HOMER1: variants seen among roughly 807,000 people sequenced by gnomAD.
HOMER1 encodes homer scaffold protein 1, also known as homer protein homolog 1.
In HOMER1, 3 loss-of-function variants were observed where a neutral mutation model predicts 48.9. The observed-to-expected ratio is 0.06, with a 90% confidence interval of 0.03 to 0.16. The LOEUF (loss-of-function observed/expected upper bound fraction) is 0.16, where lower values mean the gene tolerates loss of function less well. Ranked by LOEUF, HOMER1 falls within the 10% of genes least tolerant of loss-of-function variation. HOMER1 has a pLI of 1.00. For synonymous variants in HOMER1, 134 were observed against 146.4 expected (o/e 0.92, Z 0.61); for missense variants, 247 against 411.4 (o/e 0.60, Z 3.46).
intron 1 of HOMER1, among the ~76,000 whole-genome samples, chr5:79,502,394 T>C (rs889340756): frequency 2.0e-5 from 3 of 152,104 alleles, no homozygotes; most frequent in African/African-American, 7.2e-5. Context: ...AGTTCTCTTT[T>C]TAATACCCTC....
chr5:79,449,477 T>C (rs1011456849), intron 3 of HOMER1, among the ~76,000 whole-genome samples: 3 of 152,150 alleles, frequency 2.0e-5, no homozygotes, highest in Admixed American at 6.5e-5. Context: ...ATTTGTTTGT[T>C]GTTGTTGTTT....
At chr5:79,487,637 T>G (rs113744537) in intron 1 of HOMER1, among the ~76,000 whole-genome samples, 2 of 152,152 alleles carry the variant, frequency 1.3e-5, no homozygotes, top group East Asian at 3.9e-4. Context: ...GAGGCTGTTA[T>G]AGACTGAAAG....
chr5:79,483,340 A>T (rs1561381704), intron 1 of HOMER1, among the ~76,000 whole-genome samples: 1 of 152,202 alleles, frequency 6.6e-6, no homozygotes, highest in South Asian at 2.1e-4. Context: ...AGCAAAAAAC[A>T]TCTTTCATCT....
At chr5:79,445,679 G>A (rs973236360) in intron 4 of HOMER1, among the ~76,000 whole-genome samples, 7 of 152,146 alleles carry the variant, frequency 4.6e-5, no homozygotes, top group Admixed American at 4.6e-4. Flanking sequence ...CAGCATTTTG[G>A]GAGGCCAAGG....
In HOMER1 at chr5:79,375,838, TAA is replaced by T; in HGVS notation, c.*169_*170del. On this transcript the variant is annotated 3_prime_UTR_variant, in exon 9 of 9. Coordinates refer to ENST00000334082, the MANE Select transcript of HOMER1 (RefSeq NM_004272.5). ...CCCCAACTAGCTACAAGCTGGATTCTAAAATTTACAGTGAAATATACAATTCC... is the reference window on the plus strand; with the variant it reads ...CCCCAACTAGCTACAAGCTGGATTCTAATTTACAGTGAAATATACAATTCC... 1 of 418,126 alleles carries T rather than the reference TAA, an allele frequency of 2.4e-6. No homozygotes were observed. The highest frequency in any genetic ancestry group is 4.1e-6 in the Non-Finnish European group (1 of 241,338). The allele number at this position is 418,126 out of a possible 1,614,324, so 25.9% of individuals were successfully genotyped here. A position where few individuals can be genotyped will look rare whatever the true frequency, so the allele number is the denominator to read the frequency against.
intron 1 of HOMER1, among the ~76,000 whole-genome samples, chr5:79,478,947 G>A (rs761557888): frequency 1.5e-4 from 22 of 149,364 alleles, no homozygotes; most frequent in East Asian, 2.1e-4. Context: ...GCGAGACTCC[G>A]TCAAAAAAAG....
At chr5:79,416,109 G>T (rs1274700285) in intron 5 of HOMER1, among the ~76,000 whole-genome samples, 1 of 152,100 alleles carries the variant, frequency 6.6e-6, no homozygotes, top group Non-Finnish European at 1.5e-5. Flanking sequence ...AAGCCGAAAA[G>T]ATTTAACATT....
At chr5:79,432,329 ATAAT>A (rs1212808801) in intron 5 of HOMER1, among the ~76,000 whole-genome samples, 1 of 152,252 alleles carries the variant, frequency 6.6e-6, no homozygotes, top group East Asian at 1.9e-4. Flanking sequence ...GAAAGAGATC[ATAAT>A]TAATCTAGGA....
intron 1 of HOMER1, among the ~76,000 whole-genome samples, chr5:79,503,794 A>C (rs2112378508): frequency 6.6e-6 from 1 of 152,202 alleles, no homozygotes; most frequent in East Asian, 1.9e-4. Context: ...ATTAAGTGGA[A>C]GTCGATCATC....
chr5:79,491,915 C>T (rs980143063), intron 1 of HOMER1, among the ~76,000 whole-genome samples: 4 of 152,030 alleles, frequency 2.6e-5, no homozygotes, highest in Non-Finnish European at 5.9e-5. Flanking sequence ...AGTAACTTGC[C>T]CAAGATTATG....
At chr5:79,504,681 C>T (rs913071513) in intron 1 of HOMER1, among the ~76,000 whole-genome samples, 1 of 152,004 alleles carries the variant, frequency 6.6e-6, no homozygotes, top group Non-Finnish European at 1.5e-5. Flanking sequence ...CAGAACAACT[C>T]TTATAAATAC....
At chr5:79,499,547 A>G (rs971043821) in intron 1 of HOMER1, among the ~76,000 whole-genome samples, 8 of 152,016 alleles carry the variant, frequency 5.3e-5, no homozygotes, top group Non-Finnish European at 1.0e-4. Context: ...ATACCTTAGA[A>G]GTATTGAAAA....
chr5:79,415,037 TA>T (rs1185216857), intron 5 of HOMER1, among the ~76,000 whole-genome samples: 1 of 152,092 alleles, frequency 6.6e-6, no homozygotes, highest in Non-Finnish European at 1.5e-5. Context: ...ATCCCAGAAA[TA>T]AAAGTAGAAT....
intron 5 of HOMER1, among the ~76,000 whole-genome samples, chr5:79,402,704 A>G (rs919027694): frequency 7.2e-5 from 11 of 152,190 alleles, no homozygotes; most frequent in Admixed American, 6.5e-4. Flanking sequence ...TATTAAAAAA[A>G]CCTAACAATG....
intron 5 of HOMER1, among the ~76,000 whole-genome samples, chr5:79,421,022 C>G (rs1750083449): frequency 6.6e-6 from 1 of 152,160 alleles, no homozygotes; most frequent in Admixed American, 6.5e-5. Flanking sequence ...AACATGCCTA[C>G]AAAATACTCC....
At chr5:79,396,965 T>C (rs1216725870) in intron 7 of HOMER1, 62 bp from the exon 8 acceptor site, 2 of 881,352 alleles carry the variant, frequency 2.3e-6, no homozygotes, top group East Asian at 2.6e-5. Flanking sequence ...AAGGTCTTGT[T>C]TTTCCCTGAA....
At chr5:79,388,977 C>T (rs571306895) in intron 8 of HOMER1, among the ~76,000 whole-genome samples, 2 of 152,028 alleles carry the variant, frequency 1.3e-5, no homozygotes, top group South Asian at 2.1e-4. Flanking sequence ...ATTAAAAAGG[C>T]CCACTGTGTA....
intron 8 of HOMER1, among the ~76,000 whole-genome samples, chr5:79,387,062 C>T (rs1580415951): frequency 9.0e-6 from 1 of 110,610 alleles, no homozygotes; most frequent in Non-Finnish European, 1.7e-5. Flanking sequence ...CTTCCTCTTT[C>T]CTTTCTTTCT....
intron 8 of HOMER1, among the ~76,000 whole-genome samples, chr5:79,378,497 G>C (rs1428268066): frequency 6.6e-6 from 1 of 152,080 alleles, no homozygotes; most frequent in Non-Finnish European, 1.5e-5. Context: ...AGTAAATTGA[G>C]AGGAGAATCT....
Sources: gnomAD v4.1 joint callset for allele counts (sites outside exome capture counted in the v4.1 genomes callset) on GRCh38, gnomAD v4.1.1 for gene constraint, MANE v1.5 for transcripts, NCBI Gene and HGNC (gene_info 2026-07-23, HGNC 2026-07-21) for gene names.